The following BORCS5 variants were observed in gnomAD, a reference collection of about 807,000 sequenced individuals.
BORCS5 encodes the protein BLOC-1-related complex subunit 5.
Under a neutral mutation model 22.1 loss-of-function variants are expected in BORCS5, and 17 were observed. The ratio of observed to expected loss-of-function variants is 0.77; its 90% CI spans 0.53 to 1.15. The LOEUF (loss-of-function observed/expected upper bound fraction) is 1.15. Among genes scored for constraint, BORCS5 ranks in the 50% most tolerant of loss-of-function variants. The pLI, the probability that BORCS5 is intolerant of heterozygous loss-of-function variation, is 0.00. For missense variants in BORCS5, 247 were observed against 253.2 expected, an observed-to-expected ratio of 0.98 and a Z score of 0.17; for synonymous variants, 117 against 99.8, an observed-to-expected ratio of 1.17 and a Z score of -1.03.
At position 12,465,811 on chromosome 12, in the gene BORCS5, G is replaced by A; in HGVS notation, c.*35G>A. On this transcript the variant is annotated 3_prime_UTR_variant, in exon 4 of 4. Coordinates refer to ENST00000314565, the MANE Select transcript of BORCS5 (RefSeq NM_058169.6). ...GGCCTGCCTGGGGCTGGGAGCCCCA[G>A]ACACCGACACCCTGAGGACGTGTGG... The A allele has an allele frequency of 1.9e-6, 3 of 1,562,282 alleles. No homozygotes were observed. Among genetic ancestry groups the A allele is most frequent in the Non-Finnish European group, 2.6e-6 (3 of 1,144,500 alleles).
intron 2 of BORCS5, among the ~76,000 whole-genome samples, chr12:12,394,398 C>T (rs1941280376): frequency 6.6e-6 from 1 of 151,980 alleles, no homozygotes. Flanking sequence ...TATTAAAATA[C>T]ACAGGAATTA....
intron 1 of BORCS5, among the ~76,000 whole-genome samples, chr12:12,358,418 G>C (rs1198268875): frequency 6.6e-6 from 1 of 152,210 alleles, no homozygotes; most frequent in Admixed American, 6.5e-5. Context: ...TCTGGGGACT[G>C]GATTGGGGCA....
At chr12:12,460,668 C>T (rs1416240030) in intron 3 of BORCS5, among the ~76,000 whole-genome samples, 2 of 152,172 alleles carry the variant, frequency 1.3e-5, no homozygotes, top group East Asian at 3.8e-4. Context: ...TCTGTTCCTA[C>T]TTTGCTGAAA....
intron 3 of BORCS5, among the ~76,000 whole-genome samples, 174 bp from the exon 4 acceptor site, chr12:12,465,372 C>T (rs916686099): frequency 5.9e-5 from 9 of 152,314 alleles, no homozygotes; most frequent in African/African-American, 2.2e-4. Flanking sequence ...GGTTCTGGCA[C>T]AACAGTTGAT....
chr12:12,424,971 G>A (rs1592115583), intron 2 of BORCS5, among the ~76,000 whole-genome samples: 1 of 152,206 alleles, frequency 6.6e-6, no homozygotes, highest in South Asian at 2.1e-4. Flanking sequence ...GCGTGAGTGG[G>A]AAGACCTTGC....
intron 2 of BORCS5, among the ~76,000 whole-genome samples, chr12:12,391,475 A>G (rs1228290488): frequency 1.3e-5 from 2 of 151,350 alleles, no homozygotes; most frequent in Non-Finnish European, 2.9e-5. Flanking sequence ...AACCTCCACC[A>G]CCTGAGTTCA....
intron 2 of BORCS5, among the ~76,000 whole-genome samples, chr12:12,368,294 T>C (rs755147199): frequency 5.9e-5 from 9 of 151,910 alleles, no homozygotes; most frequent in Non-Finnish European, 1.2e-4. Flanking sequence ...TTTTTTTTTT[T>C]AATCTACTGG....
At chr12:12,440,394 A>C (rs1020529985) in intron 3 of BORCS5, among the ~76,000 whole-genome samples, 4 of 152,178 alleles carry the variant, frequency 2.6e-5, no homozygotes, top group Non-Finnish European at 5.9e-5. Context: ...AGACCCACCT[A>C]GTGGGGAGGT....
intron 3 of BORCS5, among the ~76,000 whole-genome samples, chr12:12,463,800 T>A (rs770627011): frequency 3.9e-5 from 6 of 152,206 alleles, no homozygotes; most frequent in Non-Finnish European, 8.8e-5. Flanking sequence ...ACAGTCTTCA[T>A]CAGGTGTGAA....
In BORCS5 at chr12:12,467,309, T is replaced by G. The variant is rs911054434; in HGVS notation, c.*1533T>G. On this transcript the variant is annotated 3_prime_UTR_variant, in exon 4 of 4. Coordinates refer to ENST00000314565, the MANE Select transcript of BORCS5 (RefSeq NM_058169.6). The stretch of plus-strand genomic sequence containing the variant: ...CTGTTTACAGAGCTACAAAAATAGC[T>G]TAGGTGCCATTATCCTCACTGCACT... 4 of 152,226 alleles carry G rather than the reference T, an allele frequency of 2.6e-5. No homozygotes were observed. Among genetic ancestry groups the G allele is most frequent in the Non-Finnish European group, 4.4e-5 (3 of 68,064 alleles). 9.4% of individuals were successfully genotyped at this position (152,226 alleles called of 1,614,324 possible).
chr12:12,463,636 G>T (rs1943150109), intron 3 of BORCS5, among the ~76,000 whole-genome samples: 1 of 152,194 alleles, frequency 6.6e-6, no homozygotes. Context: ...CAGCACGCAT[G>T]AACAACCTGT....
chr12:12,380,552 G>A (rs1026012881), intron 2 of BORCS5, among the ~76,000 whole-genome samples: 1 of 151,428 alleles, frequency 6.6e-6, no homozygotes, highest in African/African-American at 2.4e-5. Flanking sequence ...TCCAGTTTTT[G>A]CCTGTTATGA....
chr12:12,445,665 G>T lies in BORCS5; in HGVS notation c.360+9880G>T, dbSNP rs530993056. Among the ~76,000 whole-genome samples, 12 of 147,710 alleles carry T rather than the reference G, an allele frequency of 8.1e-5. 1 individual carries two copies. In the South Asian group the frequency reaches 2.4e-3, roughly 29 times the overall value. The stretch of plus-strand genomic sequence containing the variant: ...TTAATTTTTTTACAGAGAGTGTCTT[G>T]TTCTGTCACTTAGGCCAGAGTGCAG... On this transcript the variant is annotated intron_variant, in intron 3 of 3. Transcript: ENST00000314565.
At position 12,377,268 on chromosome 12, in the gene BORCS5, C is replaced by T. The variant is rs189057802; in HGVS notation, c.202+15919C>T. On this transcript the variant is annotated intron_variant, in intron 2 of 3. Transcript: ENST00000314565. ...TCTTGGCTCACTGCAAGCCCCGCCC[C>T]GCCAGGCTCAAGCAATTCTTCTGCC... Among the ~76,000 whole-genome samples the T allele has an allele frequency of 2.0e-3, 309 of 151,858 alleles. 1 individual carries two copies. Among genetic ancestry groups the T allele is most frequent in the Middle Eastern group, 3.4e-3 (1 of 294 alleles).
At chr12:12,414,680 C>G (rs866555777) in intron 2 of BORCS5, among the ~76,000 whole-genome samples, 7 of 79,128 alleles carry the variant, frequency 8.8e-5, no homozygotes, top group African/African-American at 1.3e-4. Flanking sequence ...GCTGGCCGGG[C>G]GGGGGGCTGA....
rs7969849 is a variant in BORCS5 at position 12,426,116 on chromosome 12, G to T, written c.203-9512G>T. 3.9e-3 allele frequency among the ~76,000 whole-genome samples: 587 copies of T among 152,076 alleles called. 7 individuals are homozygous for T. Among genetic ancestry groups the T allele is most frequent in the African/African-American group, 0.013 (548 of 41,476 alleles). On this transcript the variant is annotated intron_variant, in intron 2 of 3. Coordinates refer to ENST00000314565, the MANE Select transcript of BORCS5 (RefSeq NM_058169.6). Reference sequence around the variant, plus strand: ...ATGGCAATCCTTGGATTCCAATTCCGGGTCTACCTGACTCCAAACTTTTTC... The same window carrying T: ...ATGGCAATCCTTGGATTCCAATTCCTGGTCTACCTGACTCCAAACTTTTTC...
intron 2 of BORCS5, among the ~76,000 whole-genome samples, chr12:12,419,889 GTTGT>G (rs762032052): frequency 1.3e-5 from 2 of 152,164 alleles, no homozygotes; most frequent in Admixed American, 6.5e-5. Context: ...TGTTGATGGG[GTTGT>G]TTGTTTTTTT....
intron 3 of BORCS5, among the ~76,000 whole-genome samples, chr12:12,462,660 T>TTTTATTTA (rs10627853): frequency 0.62 from 93,686 of 150,998 alleles, 30,328 homozygotes; most frequent in African/African-American, 0.8. Flanking sequence ...ATTTATTTTA[T>TTTTATTTA]TTTATTTATT....
Position 12,435,654 on chromosome 12 carries a change from AC to A in BORCS5, c.230del (p.Thr77LysfsTer49), listed in dbSNP as rs1942539198. 6.2e-7 allele frequency: 1 copy of A among 1,613,844 alleles called. No homozygotes were observed. Among genetic ancestry groups the A allele is most frequent in the African/African-American group, 1.3e-5 (1 of 74,906 alleles). ...GCTATTGAGTGGCCAGACTTCCCCA[AC>A]AAATGCCAAATTGGAGAAACTGGAC... ...KGLLSGQTSP[T>X]NAKLEKLDSQ... On this transcript the variant is annotated frameshift_variant, in exon 3 of 4. Coordinates refer to ENST00000314565, the MANE Select transcript of BORCS5 (RefSeq NM_058169.6). LOFTEE classifies it high-confidence loss of function.
Sources: gnomAD v4.1 joint callset for allele counts (sites outside exome capture counted in the v4.1 genomes callset) on GRCh38, gnomAD v4.1.1 for gene constraint, MANE v1.5 for transcripts, NCBI Gene and HGNC (gene_info 2026-07-23, HGNC 2026-07-21) for gene names.